Variants in CAD observed in about 807,000 individuals in gnomAD.
CAD encodes carbamoyl-phosphate synthetase 2, aspartate transcarbamylase, and dihydroorotase.
A neutral mutation model predicts 237.2 loss-of-function variants in CAD; 81 were observed. That is an observed-to-expected ratio of 0.34 (90% CI 0.29 to 0.41). The LOEUF is 0.41. Among genes scored for constraint, CAD ranks in the 10% least tolerant of loss-of-function variants. The pLI, the probability that CAD is intolerant of heterozygous loss-of-function variation, is 1.00. For missense variants in CAD, 2,181 were observed against 2,951.7 expected, an observed-to-expected ratio of 0.74 and a Z score of 6.05; for synonymous variants, 1,196 against 1,162.8, an observed-to-expected ratio of 1.03 and a Z score of -0.58.
Position 27,243,081 on chromosome 2 carries a change from C to G in CAD, c.6480+108C>G, listed in dbSNP as rs1000559208. On this transcript the variant is annotated intron_variant, in intron 42 of 43. Coordinates refer to ENST00000264705, the MANE Select transcript of CAD (RefSeq NM_004341.5). ...GGGTCAGAGCTGTTAAACTTCACAT[C>G]TGTCAATTGCCATAGCTGCATGTGG... 9 of 1,324,116 alleles carry G rather than the reference C, an allele frequency of 6.8e-6. No homozygotes were observed. The African/African-American group carries it at 1.0e-4, about 15-fold the overall frequency. The allele number at this position is 1,324,116 out of a possible 1,614,324, so 82.0% of individuals were successfully genotyped here. A position where few individuals can be genotyped will look rare whatever the true frequency, so the allele number is the denominator to read the frequency against.
In CAD at chr2:27,240,036, T is replaced by G. The variant is rs1676223829; in HGVS notation, c.5497-229T>G. 7 of 590,000 alleles carry G rather than the reference T, an allele frequency of 1.2e-5. No homozygotes were observed. In the South Asian group the frequency reaches 1.5e-4, roughly 13 times the overall value. The allele number at this position is 590,000 out of a possible 1,614,324, so 36.5% of individuals were successfully genotyped here. On this transcript the variant is annotated intron_variant, in intron 34 of 43. Coordinates refer to ENST00000264705, the MANE Select transcript of CAD (RefSeq NM_004341.5). The surrounding 1 kb of genome is among the most constrained non-coding windows in gnomAD (Gnocchi z 4.6). ...CAGGCGGATCATCTGAGGTCAGGAG[T>G]TTAAGACCAGCCTAGCCAACATGGT...
Position 27,226,919 on chromosome 2 carries a change from C to T in CAD, c.2244C>T (p.Phe748=), listed in dbSNP as rs1329424559. 2 of 1,614,130 alleles carry T rather than the reference C, an allele frequency of 1.2e-6. No homozygotes were observed. The highest frequency in any genetic ancestry group is 1.7e-6 in the Non-Finnish European group (2 of 1,179,992). ...VKIPRWDLSK[F]LRVSTKIGSC... ...TTCCTCGATGGGACCTTAGCAAGTTCCTGCGAGTCAGCACAAAGATTGGGA... is the reference window on the plus strand; with the variant it reads ...TTCCTCGATGGGACCTTAGCAAGTTTCTGCGAGTCAGCACAAAGATTGGGA... The change falls in exon 15 of 44, where the codon TTC becomes TTT. Residue 748 remains phenylalanine (F), a synonymous_variant. Transcript: ENST00000264705.
chr2:27,228,314 A>G (rs2148069889), intron 15 of CAD, among the ~76,000 whole-genome samples: 1 of 152,360 alleles, frequency 6.6e-6, no homozygotes, highest in Non-Finnish European at 1.5e-5. Flanking sequence ...TAAACTTTGT[A>G]TTATGAAGCA....
Position 27,237,689 on chromosome 2 carries a change from T to G in CAD, c.4564-29T>G. Reference sequence around the variant, plus strand: ...TAGCCTGTGTGGGCATGGGTGCCAGTGAGCCTTACCTCTGTGTATCCTCTC... The same window carrying G: ...TAGCCTGTGTGGGCATGGGTGCCAGGGAGCCTTACCTCTGTGTATCCTCTC... On this transcript the variant is annotated intron_variant, in intron 28 of 43. Coordinates refer to ENST00000264705, the MANE Select transcript of CAD (RefSeq NM_004341.5). The surrounding 1 kb of genome is among the most constrained non-coding windows in gnomAD (Gnocchi z 4.0). 6.3e-7 allele frequency: 1 copy of G among 1,598,058 alleles called. No homozygotes were observed. Among genetic ancestry groups the G allele is most frequent in the Non-Finnish European group, 8.5e-7 (1 of 1,170,260 alleles).
chr2:27,218,769 C>T (rs866985227), intron 2 of CAD, among the ~76,000 whole-genome samples: 1 of 152,038 alleles, frequency 6.6e-6, no homozygotes, highest in Non-Finnish European at 1.5e-5. Flanking sequence ...AAAAAAAACC[C>T]AACATATAGT....
chr2:27,232,829 T>C lies in CAD; in HGVS notation c.2892+135T>C. On this transcript the variant is annotated intron_variant, in intron 18 of 43. Transcript: ENST00000264705. This position sits in a 1 kb window ranked among gnomAD's most constrained non-coding sequence, Gnocchi z 4.1. ...ATAGAGCTTTGGGGTGGGGGTCCTT[T>C]TAGGCCATCTCTCATGCCCCACACG... 1.8e-6 allele frequency: 2 copies of C among 1,093,692 alleles called. No homozygotes were observed. The highest frequency in any genetic ancestry group is 4.7e-5 in the East Asian group (2 of 42,402). 67.7% of individuals were successfully genotyped at this position (1,093,692 alleles called of 1,614,324 possible).
intron 42 of CAD, 52 bp from the exon 43 acceptor site, chr2:27,243,146 C>G: frequency 6.4e-7 from 1 of 1,566,600 alleles, no homozygotes; most frequent in East Asian, 2.2e-5. Context: ...CTTGTGTCCT[C>G]TGTAGCCACT....
At chr2:27,223,113 T>G (rs1170235764) in intron 6 of CAD, 76 bp downstream of exon 6, 10 of 1,472,572 alleles carry the variant, frequency 6.8e-6, no homozygotes, top group Non-Finnish European at 9.4e-6. Context: ...GAGAAGAGAG[T>G]TGGTGTTTAT....
chr2:27,225,462 A>G (rs1405094865), intron 11 of CAD, among the ~76,000 whole-genome samples: 1 of 151,772 alleles, frequency 6.6e-6, no homozygotes, highest in African/African-American at 2.4e-5. Flanking sequence ...ATGCGCCACC[A>G]TGCCCAGCTA....
At position 27,240,461 on chromosome 2, in the gene CAD, C is replaced by A. The variant is rs1417977123; in HGVS notation, c.5593+100C>A. On this transcript the variant is annotated intron_variant, in intron 35 of 43. Transcript: ENST00000264705. The surrounding 1 kb of genome is among the most constrained non-coding windows in gnomAD (Gnocchi z 4.6). ...CTACTTACATGTCCTCCTCTCCATCCCTTTATCCTCGTCTGATCTGCCGTG... is the reference window on the plus strand; with the variant it reads ...CTACTTACATGTCCTCCTCTCCATCACTTTATCCTCGTCTGATCTGCCGTG... 4.7e-6 allele frequency: 7 copies of A among 1,475,268 alleles called. No individual in the cohort carries two copies. In the African/African-American group the frequency reaches 9.7e-5, roughly 20 times the overall value. The allele number at this position is 1,475,268 out of a possible 1,614,324, so 91.4% of individuals were successfully genotyped here. A position where few individuals can be genotyped will look rare whatever the true frequency, so the allele number is the denominator to read the frequency against.
chr2:27,223,102 T>C (rs1675257786), intron 6 of CAD, 65 bp downstream of exon 6: 2 of 1,533,300 alleles, frequency 1.3e-6, no homozygotes, highest in East Asian at 4.5e-5. Context: ...GTCTCAGGAA[T>C]GAGAAGAGAG....
At chr2:27,234,293 C>T in intron 22 of CAD, 67 bp downstream of exon 22, 2 of 1,434,744 alleles carry the variant, frequency 1.4e-6, no homozygotes, top group Non-Finnish European at 2.0e-6. Context: ...GCCACAGTGC[C>T]ATGAAGCCCT....
intron 2 of CAD, among the ~76,000 whole-genome samples, chr2:27,218,224 A>G (rs1209406307): frequency 1.3e-5 from 2 of 152,176 alleles, no homozygotes; most frequent in Non-Finnish European, 2.9e-5. Context: ...GCCTCAGGAA[A>G]AAGCTACCGC....
At position 27,241,450 on chromosome 2, in the gene CAD, A is replaced by C; in HGVS notation, c.5883+54A>C. ...AGGCCATCGCCTGCCCTTGGGCCGC[A>C]TCAGCGCAGGGCCGCGCAGTGGTCA... On this transcript the variant is annotated intron_variant, in intron 38 of 43. Transcript: ENST00000264705. The surrounding 1 kb of genome is among the most constrained non-coding windows in gnomAD (Gnocchi z 4.6). 1 of 1,570,092 alleles carries C rather than the reference A, an allele frequency of 6.4e-7. No homozygotes were observed.
In CAD at chr2:27,236,787, G is replaced by A; in HGVS notation, c.4353G>A (p.Val1451=). The change falls in exon 27 of 44, where the codon GTG becomes GTA. Residue 1451 remains valine, a synonymous_variant. Transcript: ENST00000264705. The surrounding 1 kb of genome is among the most constrained non-coding windows in gnomAD (Gnocchi z 4.1). The stretch of plus-strand genomic sequence containing the variant: ...TCGGGCCAGCCCCTCCTTTGAAGGT[G>A]CATGTTGACTGTATGACCTCCCAAA... ...GQIGPAPPLK[V]HVDCMTSQKL... 5 of 1,614,148 alleles carry A rather than the reference G, an allele frequency of 3.1e-6. No homozygotes were observed. Among genetic ancestry groups the A allele is most frequent in the Non-Finnish European group, 4.2e-6 (5 of 1,180,036 alleles).
chr2:27,224,071 G>C, intron 8 of CAD, 42 bp downstream of exon 8: 1 of 1,435,570 alleles, frequency 7.0e-7, no homozygotes, highest in Non-Finnish European at 9.8e-7. Context: ...CTAAGAACAG[G>C]GTTGGCTCCA....
Position 27,226,507 on chromosome 2 carries a change from T to C in CAD, c.2032-18T>C. 1 of 1,613,842 alleles carries C rather than the reference T, an allele frequency of 6.2e-7. No individual in the cohort carries two copies. Among genetic ancestry groups the C allele is most frequent in the Non-Finnish European group, 8.5e-7 (1 of 1,179,762 alleles). On this transcript the variant is annotated intron_variant, in intron 13 of 43. Coordinates refer to ENST00000264705, the MANE Select transcript of CAD (RefSeq NM_004341.5). ...ACAGGGTCTTCTAGGCCAGTGACTTTATTCTCCTTCTTTGCAGTATTACAT... is the reference window on the plus strand; with the variant it reads ...ACAGGGTCTTCTAGGCCAGTGACTTCATTCTCCTTCTTTGCAGTATTACAT...
rs1676372183 is a variant in CAD at position 27,242,546 on chromosome 2, C to T, written c.6223-74C>T. 6.4e-7 allele frequency: 1 copy of T among 1,555,258 alleles called. No homozygotes were observed. Among genetic ancestry groups the T allele is most frequent in the South Asian group, 1.2e-5 (1 of 82,476 alleles). ...GGAGGCCTTCATTCTGCTCCAGAGGCTTTTAAAAGCTTGGAAATGATGTCG... is the reference window on the plus strand; with the variant it reads ...GGAGGCCTTCATTCTGCTCCAGAGGTTTTTAAAAGCTTGGAAATGATGTCG... On this transcript the variant is annotated intron_variant, in intron 40 of 43. Coordinates refer to ENST00000264705, the MANE Select transcript of CAD (RefSeq NM_004341.5). The surrounding 1 kb of genome is among the most constrained non-coding windows in gnomAD (Gnocchi z 6.4).
chr2:27,221,395 G>A (rs766130383), intron 3 of CAD, 48 bp downstream of exon 3: 2 of 1,433,900 alleles, frequency 1.4e-6, no homozygotes, highest in South Asian at 1.5e-5. Flanking sequence ...AGCATGCCTG[G>A]ATGGAAAGAA....
Sources: gnomAD v4.1 joint callset for allele counts (sites outside exome capture counted in the v4.1 genomes callset) on GRCh38, gnomAD v4.1.1 for gene constraint, Gnocchi (gnomAD v3.1) non-coding constraint, MANE v1.5 for transcripts, NCBI Gene and HGNC (gene_info 2026-07-23, HGNC 2026-07-21) for gene names.